Variants in SCAF4 observed in about 807,000 individuals in gnomAD.
The protein encoded by SCAF4 is SR-related CTD associated factor 4.
Under a neutral mutation model 129.8 loss-of-function variants are expected in SCAF4, and 25 were observed. The observed-to-expected ratio is 0.19, with a 90% CI of 0.14 to 0.27. The LOEUF is 0.27. SCAF4 is among the 10% of genes least tolerant of loss of function. The pLI is 1.00. For synonymous variants in SCAF4, 551 were observed against 497.7 expected, an observed-to-expected ratio of 1.11 and a Z score of -1.43; for missense variants, 1,246 against 1,457.1, an observed-to-expected ratio of 0.86 and a Z score of 2.36.
rs577878992 is a variant in SCAF4 at position 31,703,622 on chromosome 21, G to GA, written c.321+142dup. ...AAATAAACACGAAATGACCACTGAA[G>GA]AAAAAAACTGTTTTGTTTCAAGCTC... On this transcript the variant is annotated intron_variant, in intron 4 of 19. Transcript: ENST00000286835. 5.1e-4 allele frequency: 241 copies of GA among 474,940 alleles called. 1 individual carries two copies. The highest frequency in any genetic ancestry group is 3.8e-3 in the African/African-American group (199 of 52,372). The allele number at this position is 474,940 out of a possible 1,614,324, so 29.4% of individuals were successfully genotyped here. A position where few individuals can be genotyped will look rare whatever the true frequency, so the allele number is the denominator to read the frequency against.
rs763939826 is a variant in SCAF4, at chr21:31,701,927, G to C, written c.458-9C>G. 5.0e-6 allele frequency: 8 copies of C among 1,612,726 alleles called. No homozygotes were observed. In the East Asian group the frequency reaches 1.8e-4, roughly 36 times the overall value. ...TGGAGGTGGAGGTGAGCCTAAAAAA[G>C]AAAAGGGCATTAAGGCCTAAAAAAA... is the stretch of plus-strand genomic sequence containing the variant. On this transcript the variant is annotated splice_polypyrimidine_tract_variant and intron_variant, in intron 5 of 19. Coordinates refer to ENST00000286835, the MANE Select transcript of SCAF4 (RefSeq NM_020706.2).
intron 19 of SCAF4, among the ~76,000 whole-genome samples, chr21:31,680,552 T>C: frequency 6.6e-6 from 1 of 152,160 alleles, no homozygotes. Flanking sequence ...GGTACCAAAT[T>C]AAATACCTGA....
intron 14 of SCAF4, 142 bp downstream of exon 14, chr21:31,691,675 A>T: frequency 3.0e-6 from 1 of 338,036 alleles, no homozygotes; most frequent in Non-Finnish European, 5.4e-6. Context: ...TATTCTTTAA[A>T]AAAAAAAAAA....
intron 19 of SCAF4, among the ~76,000 whole-genome samples, chr21:31,675,977 C>T (rs1351117854): frequency 6.6e-6 from 1 of 152,116 alleles, no homozygotes; most frequent in Non-Finnish European, 1.5e-5. Context: ...ATACAAAAGG[C>T]ATATAATGAA....
intron 1 of SCAF4, among the ~76,000 whole-genome samples, chr21:31,707,219 G>A (rs1462987319): frequency 6.6e-6 from 1 of 152,094 alleles, no homozygotes; most frequent in East Asian, 1.9e-4. Flanking sequence ...CAGCCATGGT[G>A]GCGCACACCT....
chr21:31,681,045 C>A (rs2049983741), intron 19 of SCAF4, among the ~76,000 whole-genome samples: 1 of 152,198 alleles, frequency 6.6e-6, no homozygotes, highest in African/African-American at 2.4e-5. Flanking sequence ...AGGACTGCAG[C>A]GCAGCACACC....
intron 19 of SCAF4, among the ~76,000 whole-genome samples, chr21:31,678,326 T>C (rs966459280): frequency 1.3e-5 from 2 of 152,206 alleles, no homozygotes; most frequent in African/African-American, 4.8e-5. Context: ...TCGCATTCCG[T>C]ATTTAAGTAA....
intron 1 of SCAF4, 135 bp downstream of exon 1, chr21:31,731,512 ACAGGCCCCGCTCCGCG>A (rs1485994076): frequency 3.0e-5 from 27 of 885,880 alleles, no homozygotes; most frequent in Non-Finnish European, 4.3e-5. Flanking sequence ...CTCCCGGGCC[ACAGGCCCCGCTCCGCG>A]CAGGCCCCGC....
At position 31,717,067 on chromosome 21, in the gene SCAF4, A is replaced by G. The variant is rs1016124082; in HGVS notation, c.31-10710T>C. ...AAAGTACAAATTAATACAAGGAGAT[A>G]AAATTCTTACATTATCCAACGGACA... On this transcript the variant is annotated intron_variant, in intron 1 of 19. Transcript: ENST00000286835. Among the ~76,000 whole-genome samples the G allele has an allele frequency of 2.5e-4, 38 of 152,350 alleles. 1 individual carries two copies. The highest frequency in any genetic ancestry group is 8.4e-4 in the African/African-American group (35 of 41,592).
Position 31,671,667 on chromosome 21 carries a change from C to T in SCAF4, c.3176G>A (p.Arg1059Lys). Residue 1059 changes from arginine to lysine, a missense_variant, in exon 20 of 20, where the codon AGA (arginine) becomes AAA (lysine). Around this residue, in one of 6 missense-constraint regions of SCAF4, gnomAD observed 339 missense variants for 325.0 expected, o/e 1.04. Coordinates refer to ENST00000286835, the MANE Select transcript of SCAF4 (RefSeq NM_020706.2). ...RNRRSSGHRD[R>K]ERDSRDRESR... ...CTCTCTATCTCTAGAATCTCTCTCT[C>T]TGTCTCGATGCCCACTAGAGCGTCT... 6.2e-7 allele frequency: 1 copy of T among 1,613,962 alleles called. No individual in the cohort carries two copies. The highest frequency in any genetic ancestry group is 8.5e-7 in the Non-Finnish European group (1 of 1,179,848).
In SCAF4 at chr21:31,731,580, A is replaced by G; in HGVS notation, c.30+83T>C. 3 of 1,500,982 alleles carry G rather than the reference A, an allele frequency of 2.0e-6. No homozygotes were observed. In the South Asian group the frequency reaches 3.5e-5, roughly 17 times the overall value. 93.0% of individuals were successfully genotyped at this position (1,500,982 alleles called of 1,614,324 possible). The stretch of plus-strand genomic sequence containing the variant: ...CAGGAAGCGTCCCCACCCGGACCAA[A>G]GCTTTAAACCTCCGGCGGCGGGAGA... On this transcript the variant is annotated intron_variant, in intron 1 of 19. Transcript: ENST00000286835.
chr21:31,673,385 A>G (rs1022668379), intron 19 of SCAF4, among the ~76,000 whole-genome samples: 2 of 139,646 alleles, frequency 1.4e-5, no homozygotes, highest in African/African-American at 5.7e-5. Context: ...CATGTGCTGC[A>G]GAAAGGTCTT....
At chr21:31,691,223 A>G (rs1194195948) in intron 14 of SCAF4, among the ~76,000 whole-genome samples, 3 of 152,200 alleles carry the variant, frequency 2.0e-5, no homozygotes, top group Non-Finnish European at 4.4e-5. Flanking sequence ...GAGAAAAGGA[A>G]AAAGTTTAAC....
chr21:31,697,563 G>A (rs1307613546), intron 7 of SCAF4, among the ~76,000 whole-genome samples: 1 of 152,148 alleles, frequency 6.6e-6, no homozygotes, highest in African/African-American at 2.4e-5. Context: ...TCAGGATGCG[G>A]ACACTAGTCC....
chr21:31,703,665 A>C (rs923003858), intron 4 of SCAF4, 100 bp downstream of exon 4: 13 of 641,664 alleles, frequency 2.0e-5, no homozygotes, highest in Non-Finnish European at 2.5e-5. Flanking sequence ...TCGCTACATG[A>C]AAATCTTATC....
chr21:31,704,822 C>G (rs186793688), intron 3 of SCAF4, among the ~76,000 whole-genome samples: 1 of 152,106 alleles, frequency 6.6e-6, no homozygotes, highest in African/African-American at 2.4e-5. Flanking sequence ...TACTAACCAT[C>G]TTTTTTGCCT....
chr21:31,706,888 C>A, intron 1 of SCAF4: 2 of 304,446 alleles, frequency 6.6e-6, no homozygotes, highest in South Asian at 6.5e-5. Flanking sequence ...CATGTCTTAT[C>A]AGTGGTCTCT....
rs578150292 is a variant in SCAF4 at position 31,725,313 on chromosome 21, T to G, written c.30+6350A>C. ...GGCATCCCCATCAGATGAACTAAAT[T>G]CTAGAAGACAATCATCCCTAGTAAT... On this transcript the variant is annotated intron_variant, in intron 1 of 19. Coordinates refer to ENST00000286835, the MANE Select transcript of SCAF4 (RefSeq NM_020706.2). Among the ~76,000 whole-genome samples, 5 of 152,164 alleles carry G rather than the reference T, an allele frequency of 3.3e-5. No individual in the cohort carries two copies. In the South Asian group the frequency reaches 1.0e-3, roughly 32 times the overall value.
intron 1 of SCAF4, among the ~76,000 whole-genome samples, chr21:31,731,008 A>C (rs533637317): frequency 3.9e-5 from 6 of 152,354 alleles, no homozygotes; most frequent in African/African-American, 1.4e-4. Context: ...CGTTGGGGCC[A>C]TAGAGCCTAT....
Sources: gnomAD v4.1 joint callset for allele counts (sites outside exome capture counted in the v4.1 genomes callset) on GRCh38, gnomAD v4.1.1 for gene constraint, gnomAD v4.1.1 regional missense constraint, MANE v1.5 for transcripts, NCBI Gene and HGNC (gene_info 2026-07-23, HGNC 2026-07-21) for gene names.